Variants in OR5A1 observed in about 807,000 individuals in gnomAD.
OR5A1 encodes olfactory receptor 5A1.
A neutral mutation model predicts 6.7 loss-of-function variants in OR5A1; 6 were observed. The observed-to-expected ratio is 0.89, with a 90% CI of 0.49 to 1.76. The LOEUF (loss-of-function observed/expected upper bound fraction) is 1.76, where lower values mean the gene tolerates loss of function less well. Among genes scored for constraint, OR5A1 ranks in the 40% most tolerant of loss-of-function variants. The pLI is 0.01. For missense variants in OR5A1, 378 were observed against 381.7 expected, an observed-to-expected ratio of 0.99 and a Z score of 0.08; for synonymous variants, 170 against 155.0, an observed-to-expected ratio of 1.10 and a Z score of -0.72.
In OR5A1 at chr11:59,443,173, C is replaced by T. The variant is rs138097107; in HGVS notation, c.5C>T (p.Ser2Phe). The T allele has an allele frequency of 4.6e-4, 744 of 1,612,864 alleles. 6 individuals are homozygous for T. In the Middle Eastern group the frequency reaches 0.015, roughly 33 times the overall value. The change falls in exon 2 of 2, where the codon TCC (serine) becomes TTC (phenylalanine). Residue 2 changes from serine to phenylalanine, a missense_variant. Transcript: ENST00000641045. The part of the protein sequence containing the change: M[S>F]ITKAWNSSSV... ...TCCTTGTGGTCCACGGGAAGCATGT[C>T]CATAACCAAAGCCTGGAACAGCTCA...
At position 59,448,350 on chromosome 11, in the gene OR5A1, A is replaced by G. The variant is rs1858575616; in HGVS notation, c.*4234A>G. ...TGATCCTCTAAGAAGTCCTAAACTG[A>G]AGTTCCATCCACGACTATGAGGGGC... is the stretch of plus-strand genomic sequence containing the variant. On this transcript the variant is annotated 3_prime_UTR_variant, in exon 2 of 2. Coordinates refer to ENST00000641045, the MANE Select transcript of OR5A1 (RefSeq NM_001004728.2). The G allele has an allele frequency of 6.6e-6, 1 of 152,122 alleles. No homozygotes were observed. The highest frequency in any genetic ancestry group is 2.1e-4 in the South Asian group (1 of 4,828). 9.4% of individuals were successfully genotyped at this position (152,122 alleles called of 1,614,324 possible).
At position 59,445,789 on chromosome 11, in the gene OR5A1, G is replaced by GT. The variant is rs1858541596; in HGVS notation, c.*1675dup. On this transcript the variant is annotated 3_prime_UTR_variant, in exon 2 of 2. Coordinates refer to ENST00000641045, the MANE Select transcript of OR5A1 (RefSeq NM_001004728.2). ...ATGTTGAGCTTTTTTTCATATGTTT[G>GT]TTGGCCATACAAATGTCTTCTTTTG... The GT allele has an allele frequency of 6.6e-6, 1 of 151,832 alleles. No individual in the cohort carries two copies. Among genetic ancestry groups the GT allele is most frequent in the Non-Finnish European group, 1.5e-5 (1 of 67,950 alleles). The allele number at this position is 151,832 out of a possible 1,614,324, so 9.4% of individuals were successfully genotyped here.
Position 59,446,594 on chromosome 11 carries a change from C to T in OR5A1, c.*2478C>T, listed in dbSNP as rs1413608109. The T allele has an allele frequency of 6.6e-6, 1 of 152,180 alleles. No individual in the cohort carries two copies. Among genetic ancestry groups the T allele is most frequent in the African/African-American group, 2.4e-5 (1 of 41,438 alleles). 9.4% of individuals were successfully genotyped at this position (152,180 alleles called of 1,614,324 possible). On this transcript the variant is annotated 3_prime_UTR_variant, in exon 2 of 2. Transcript: ENST00000641045. ...CTATCTTCTATCTGAACCCATTGCT[C>T]CTATAAAATTCCTGTTTCTCCTCTT...
rs1858609381 is a variant in OR5A1, at chr11:59,450,919, T to G, written c.*6803T>G. On this transcript the variant is annotated 3_prime_UTR_variant, in exon 2 of 2. Coordinates refer to ENST00000641045, the MANE Select transcript of OR5A1 (RefSeq NM_001004728.2). ...AAATTTTCTATATCAGACGCTAACT[T>G]AAATTCTAATTTCTACTATTTGAAA... 6.6e-6 allele frequency: 1 copy of G among 152,248 alleles called. No individual in the cohort carries two copies. The highest frequency in any genetic ancestry group is 1.5e-5 in the Non-Finnish European group (1 of 68,034). 9.4% of individuals were successfully genotyped at this position (152,248 alleles called of 1,614,324 possible). A position where few individuals can be genotyped will look rare whatever the true frequency, so the allele number is the denominator to read the frequency against.
In OR5A1 at chr11:59,444,236, C is replaced by A; in HGVS notation, c.*120C>A. ...TGCTCTCATTTGTGGAGACTCTTCCCTCCAGATTCCTCTCACCCTTCCTCA... is the reference window on the plus strand; with the variant it reads ...TGCTCTCATTTGTGGAGACTCTTCCATCCAGATTCCTCTCACCCTTCCTCA... On this transcript the variant is annotated 3_prime_UTR_variant, in exon 2 of 2. Coordinates refer to ENST00000641045, the MANE Select transcript of OR5A1 (RefSeq NM_001004728.2). 1 of 632,662 alleles carries A rather than the reference C, an allele frequency of 1.6e-6. No homozygotes were observed. The allele number at this position is 632,662 out of a possible 1,614,324, so 39.2% of individuals were successfully genotyped here.
At position 59,447,349 on chromosome 11, in the gene OR5A1, A is replaced by T. The variant is rs1459758905; in HGVS notation, c.*3233A>T. On this transcript the variant is annotated 3_prime_UTR_variant, in exon 2 of 2. Transcript: ENST00000641045. ...TTCTATTGCACATCTTCCAAAATGTAGGCCCAGAAGCAGAGGCCACAGCTA... is the reference window on the plus strand; with the variant it reads ...TTCTATTGCACATCTTCCAAAATGTTGGCCCAGAAGCAGAGGCCACAGCTA... 1.3e-5 allele frequency: 2 copies of T among 152,210 alleles called. No individual in the cohort carries two copies. The highest frequency in any genetic ancestry group is 2.9e-5 in the Non-Finnish European group (2 of 68,036). The allele number at this position is 152,210 out of a possible 1,614,324, so 9.4% of individuals were successfully genotyped here.
Position 59,440,220 on chromosome 11 carries a change from A to T in OR5A1, c.-33-2916A>T, listed in dbSNP as rs545091113. Among the ~76,000 whole-genome samples, 19 of 151,888 alleles carry T rather than the reference A, an allele frequency of 1.3e-4. No homozygotes were observed. In the South Asian group the frequency reaches 3.7e-3, roughly 30 times the overall value. On this transcript the variant is annotated intron_variant, in intron 1 of 1. Coordinates refer to ENST00000641045, the MANE Select transcript of OR5A1 (RefSeq NM_001004728.2). Reference sequence around the variant, plus strand: ...TGGGACCACAGCTGTATGCCACCATACCCTACCAATTTTTTCATTTTTATT... The same window carrying T: ...TGGGACCACAGCTGTATGCCACCATTCCCTACCAATTTTTTCATTTTTATT...
chr11:59,442,227 G>A (rs536728514), intron 1 of OR5A1, among the ~76,000 whole-genome samples: 18 of 152,214 alleles, frequency 1.2e-4, no homozygotes, highest in Non-Finnish European at 2.5e-4. Flanking sequence ...CGGGCGGATC[G>A]CCCAAGGTCG....
Position 59,444,071 on chromosome 11 carries a change from G to C in OR5A1, c.903G>C (p.Lys301Asn), listed in dbSNP as rs758935678. 3 of 1,614,050 alleles carry C rather than the reference G, an allele frequency of 1.9e-6. No homozygotes were observed. The South Asian group carries it at 3.3e-5, about 18-fold the overall frequency. ...LIYSLRNKEI[K>N]DALWKVLERK... ...ACAGTTTGAGGAACAAAGAGATCAA[G>C]GATGCCCTGTGGAAGGTGTTGGAAA... Residue 301 changes from lysine (K) to asparagine (N), a missense_variant, in exon 2 of 2, where the codon AAG (lysine) becomes AAC (asparagine). Physicochemically the swap from Lys to Asn is moderately conservative, Grantham distance 94. Transcript: ENST00000641045.
Position 59,448,565 on chromosome 11 carries a change from G to A in OR5A1, c.*4449G>A, listed in dbSNP as rs537118690. 6.6e-5 allele frequency: 10 copies of A among 152,164 alleles called. 1 individual carries two copies. The South Asian group carries it at 2.1e-3, about 32-fold the overall frequency. 9.4% of individuals were successfully genotyped at this position (152,164 alleles called of 1,614,324 possible). A position where few individuals can be genotyped will look rare whatever the true frequency, so the allele number is the denominator to read the frequency against. Reference sequence around the variant, plus strand: ...ATTTAAAACATTATATAAATACCAGGGATTCCTGTTATTATCAAATGCCAC... The same window carrying A: ...ATTTAAAACATTATATAAATACCAGAGATTCCTGTTATTATCAAATGCCAC... On this transcript the variant is annotated 3_prime_UTR_variant, in exon 2 of 2. Coordinates refer to ENST00000641045, the MANE Select transcript of OR5A1 (RefSeq NM_001004728.2).
intron 1 of OR5A1, among the ~76,000 whole-genome samples, chr11:59,438,001 T>A (rs72923323): frequency 0.066 from 10,005 of 152,220 alleles, 810 homozygotes; most frequent in African/African-American, 0.19. Context: ...AGGCAACAGC[T>A]GGTTGTTTAA....
intron 1 of OR5A1, among the ~76,000 whole-genome samples, chr11:59,439,560 C>G (rs1432659356): frequency 6.6e-6 from 1 of 152,180 alleles, no homozygotes; most frequent in Non-Finnish European, 1.5e-5. Flanking sequence ...CCATAAAGCA[C>G]TCCATACAAT....
At position 59,449,713 on chromosome 11, in the gene OR5A1, A is replaced by T. The variant is rs1858595508; in HGVS notation, c.*5597A>T. On this transcript the variant is annotated 3_prime_UTR_variant, in exon 2 of 2. Transcript: ENST00000641045. ...AGTATTCTCTCATATGCATTAAGCC[A>T]TTTAATTGACTTATACAGCAACATA... 1.3e-5 allele frequency: 2 copies of T among 152,238 alleles called. No homozygotes were observed. Among genetic ancestry groups the T allele is most frequent in the South Asian group, 4.1e-4 (2 of 4,834 alleles). 9.4% of individuals were successfully genotyped at this position (152,238 alleles called of 1,614,324 possible). A position where few individuals can be genotyped will look rare whatever the true frequency, so the allele number is the denominator to read the frequency against.
At chr11:59,442,167 C>A (rs1020707887) in intron 1 of OR5A1, among the ~76,000 whole-genome samples, 2 of 152,342 alleles carry the variant, frequency 1.3e-5, no homozygotes, top group African/African-American at 4.8e-5. Context: ...ACAACTCAGG[C>A]CAGGGGCAGT....
chr11:59,443,753 C>A lies in OR5A1; in HGVS notation c.585C>A (p.Thr195=), dbSNP rs1165867570. The change falls in exon 2 of 2, where the codon ACC becomes ACA. Residue 195 remains threonine (T), a synonymous_variant. Coordinates refer to ENST00000641045, the MANE Select transcript of OR5A1 (RefSeq NM_001004728.2). ...PPVLALSCSD[T]FLSQVVNFLV... Reference sequence around the variant, plus strand: ...TCCTGGCTCTGTCTTGCTCTGACACCTTCCTCAGTCAAGTGGTGAATTTCC... The same window carrying A: ...TCCTGGCTCTGTCTTGCTCTGACACATTCCTCAGTCAAGTGGTGAATTTCC... 1.2e-6 allele frequency: 2 copies of A among 1,614,132 alleles called. No homozygotes were observed. Among genetic ancestry groups the A allele is most frequent in the Admixed American group, 3.3e-5 (2 of 60,026 alleles).
chr11:59,438,908 A>G (rs1389123818), intron 1 of OR5A1, among the ~76,000 whole-genome samples: 1 of 152,194 alleles, frequency 6.6e-6, no homozygotes, highest in Admixed American at 6.6e-5. Context: ...ATTGAGAGGA[A>G]CTCCTCATTT....
intron 1 of OR5A1, among the ~76,000 whole-genome samples, chr11:59,439,415 G>T (rs1394556041): frequency 1.3e-5 from 2 of 152,018 alleles, no homozygotes; most frequent in African/African-American, 2.4e-5. Context: ...AAATAGACCT[G>T]GTGTTGATTA....
chr11:59,440,840 C>T (rs545722336), intron 1 of OR5A1, among the ~76,000 whole-genome samples: 2 of 152,204 alleles, frequency 1.3e-5, no homozygotes, highest in African/African-American at 2.4e-5. Context: ...AAAGTCATAC[C>T]GACAATAGCG....
intron 1 of OR5A1, among the ~76,000 whole-genome samples, chr11:59,437,569 C>A (rs1858433053): frequency 6.6e-6 from 1 of 152,178 alleles, no homozygotes; most frequent in Non-Finnish European, 1.5e-5. Flanking sequence ...TGTTTTCAAG[C>A]ATTCTCTGCT....
Sources: gnomAD v4.1 joint callset for allele counts (sites outside exome capture counted in the v4.1 genomes callset) on GRCh38, gnomAD v4.1.1 for gene constraint, MANE v1.5 for transcripts, NCBI Gene and HGNC (gene_info 2026-07-23, HGNC 2026-07-21) for gene names.